NXPH1: variants seen among roughly 807,000 people sequenced by gnomAD.
NXPH1 encodes neurexophilin 1.
In NXPH1, 5 loss-of-function variants were observed where a neutral mutation model predicts 23.7. The observed-to-expected ratio is 0.21, with a 90% CI of 0.11 to 0.44. The LOEUF is 0.44. Among genes scored for constraint, NXPH1 ranks in the 20% least tolerant of loss-of-function variants. The pLI is 0.99. For synonymous variants in NXPH1, 144 were observed against 122.2 expected, an observed-to-expected ratio of 1.18 and a Z score of -1.18; for missense variants, 324 against 321.6, an observed-to-expected ratio of 1.01 and a Z score of -0.06.
intron 2 of NXPH1, among the ~76,000 whole-genome samples, chr7:8,468,328 G>A (rs1816817185): frequency 6.6e-6 from 1 of 152,042 alleles, no homozygotes; most frequent in Non-Finnish European, 1.5e-5. Context: ...GACAGTTGAA[G>A]GGGATTTAAA....
chr7:8,701,936 T>G (rs1779629477), intron 2 of NXPH1, among the ~76,000 whole-genome samples: 1 of 152,052 alleles, frequency 6.6e-6, no homozygotes, highest in South Asian at 2.1e-4. Context: ...GTCTTCCTTA[T>G]TTAATTCTGT....
intron 2 of NXPH1, among the ~76,000 whole-genome samples, chr7:8,490,003 T>A (rs1038955862): frequency 1.3e-5 from 2 of 152,086 alleles, no homozygotes; most frequent in African/African-American, 2.4e-5. Context: ...TTCTGCGGTA[T>A]CTTCAGTGGA....
chr7:8,668,621 T>C (rs988523390), intron 2 of NXPH1, among the ~76,000 whole-genome samples: 1 of 150,248 alleles, frequency 6.7e-6, no homozygotes, highest in African/African-American at 2.5e-5. Flanking sequence ...CAAAGGCTGA[T>C]GTACTGGTGG....
At chr7:8,456,181 T>C (rs1051920284) in intron 2 of NXPH1, among the ~76,000 whole-genome samples, 3 of 152,170 alleles carry the variant, frequency 2.0e-5, no homozygotes, top group African/African-American at 7.2e-5. Flanking sequence ...CCACAGGATT[T>C]TACTGCTTCC....
At chr7:8,453,199 G>T (rs1584164312) in intron 2 of NXPH1, among the ~76,000 whole-genome samples, 3 of 152,046 alleles carry the variant, frequency 2.0e-5, no homozygotes, top group Admixed American at 2.0e-4. Flanking sequence ...ACTTGTATTT[G>T]TATTTATACT....
intron 2 of NXPH1, among the ~76,000 whole-genome samples, chr7:8,512,952 A>C (rs562117962): frequency 6.6e-6 from 1 of 152,158 alleles, no homozygotes; most frequent in Admixed American, 6.6e-5. Context: ...ATATATTACT[A>C]GCAAGTAATC....
At chr7:8,555,666 G>A (rs1036986628) in intron 2 of NXPH1, among the ~76,000 whole-genome samples, 12 of 151,784 alleles carry the variant, frequency 7.9e-5, no homozygotes, top group African/African-American at 2.9e-4. Flanking sequence ...TCATTTCTTT[G>A]TTCGTCTTGG....
At chr7:8,721,382 T>TA (rs1779967332) in intron 2 of NXPH1, among the ~76,000 whole-genome samples, 1 of 152,048 alleles carries the variant, frequency 6.6e-6, no homozygotes, top group Non-Finnish European at 1.5e-5. Flanking sequence ...TATACCAAAA[T>TA]AAAAAAATAA....
chr7:8,531,802 A>T (rs754571079), intron 2 of NXPH1, among the ~76,000 whole-genome samples: 3 of 152,088 alleles, frequency 2.0e-5, no homozygotes, highest in Non-Finnish European at 4.4e-5. Flanking sequence ...AGCTGTTTTC[A>T]CTCTATCCAC....
intron 2 of NXPH1, among the ~76,000 whole-genome samples, chr7:8,451,702 T>C (rs1816509179): frequency 6.6e-6 from 1 of 152,244 alleles, no homozygotes; most frequent in African/African-American, 2.4e-5. Flanking sequence ...GCCCATTGCC[T>C]ATATCAAAAA....
At chr7:8,656,841 A>G (rs915582482) in intron 2 of NXPH1, among the ~76,000 whole-genome samples, 13 of 152,034 alleles carry the variant, frequency 8.6e-5, no homozygotes, top group African/African-American at 2.4e-4. Context: ...ATGATTTCCA[A>G]TTTCATCCAT....
chr7:8,621,684 C>T (rs1222065965), intron 2 of NXPH1, among the ~76,000 whole-genome samples: 1 of 152,038 alleles, frequency 6.6e-6, no homozygotes, highest in African/African-American at 2.4e-5. Flanking sequence ...CAGGGTTTCA[C>T]CATGTTGACA....
chr7:8,732,671 C>T lies in NXPH1; in HGVS notation c.55-18337C>T, dbSNP rs1204690068. ...TTTTATTCATTATTATAACCATGTA[C>T]TCAGGGGTCCTTAGATGAGATACGC... On this transcript the variant is annotated intron_variant, in intron 2 of 2. Transcript: ENST00000405863. Among the ~76,000 whole-genome samples the T allele has an allele frequency of 2.0e-5, 3 of 152,014 alleles. No homozygotes were observed. In the East Asian group the frequency reaches 5.8e-4, roughly 29 times the overall value.
At chr7:8,746,383 C>T (rs1254028108) in intron 2 of NXPH1, among the ~76,000 whole-genome samples, 1 of 152,152 alleles carries the variant, frequency 6.6e-6, no homozygotes, top group Non-Finnish European at 1.5e-5. Flanking sequence ...CTGAGATGTT[C>T]CAGAGAGGCT....
intron 2 of NXPH1, among the ~76,000 whole-genome samples, chr7:8,639,586 TAA>T (rs1240601121): frequency 6.6e-6 from 1 of 152,230 alleles, no homozygotes; most frequent in Non-Finnish European, 1.5e-5. Context: ...CATCTTTTTA[TAA>T]GTTATTGGCT....
intron 2 of NXPH1, among the ~76,000 whole-genome samples, chr7:8,727,814 G>T (rs1388251682): frequency 2.6e-4 from 40 of 152,126 alleles, no homozygotes; most frequent in Admixed American, 4.6e-4. Context: ...TTGACTTGGT[G>T]ATGCGGGCTC....
chr7:8,548,764 C>T (rs1032058511), intron 2 of NXPH1, among the ~76,000 whole-genome samples: 2 of 151,486 alleles, frequency 1.3e-5, no homozygotes, highest in African/African-American at 4.8e-5. Flanking sequence ...TATTCACTAT[C>T]TGTTAAGCAT....
rs541161646 is a variant in NXPH1, at chr7:8,719,750, C to T, written c.55-31258C>T. On this transcript the variant is annotated intron_variant, in intron 2 of 2. Coordinates refer to ENST00000405863, the MANE Select transcript of NXPH1 (RefSeq NM_152745.3). The stretch of plus-strand genomic sequence containing the variant: ...ACTTAAAATGTGCAATGTTTTCCGA[C>T]GTGAATTTAAATTATGGAAATGAAA... Among the ~76,000 whole-genome samples the T allele has an allele frequency of 9.9e-5, 15 of 151,894 alleles. No individual in the cohort carries two copies. The South Asian group carries it at 1.9e-3, about 19-fold the overall frequency.
intron 2 of NXPH1, among the ~76,000 whole-genome samples, chr7:8,720,695 G>A (rs1417379548): frequency 1.3e-5 from 2 of 152,256 alleles, no homozygotes; most frequent in East Asian, 3.9e-4. Context: ...TATTAAACAG[G>A]CTAAATGACT....
Sources: gnomAD v4.1 joint callset for allele counts (sites outside exome capture counted in the v4.1 genomes callset) on GRCh38, gnomAD v4.1.1 for gene constraint, MANE v1.5 for transcripts, NCBI Gene and HGNC (gene_info 2026-07-23, HGNC 2026-07-21) for gene names.